ZSCAN20: variants seen among roughly 807,000 people sequenced by gnomAD.
The protein encoded by ZSCAN20 is zinc finger and SCAN domain containing 20, also known as zinc finger and SCAN domain-containing protein 20.
ZSCAN20 carries 39 observed loss-of-function variants against 97.1 expected under a neutral mutation model. The observed-to-expected ratio is 0.40, with a 90% confidence interval of 0.31 to 0.52. The LOEUF (loss-of-function observed/expected upper bound fraction) is 0.52. ZSCAN20 is among the 20% of genes least tolerant of loss of function. ZSCAN20 has a pLI of 0.49. For synonymous variants in ZSCAN20, 456 were observed against 467.3 expected, an observed-to-expected ratio of 0.98 and a Z score of 0.31; for missense variants, 1,115 against 1,290.4, an observed-to-expected ratio of 0.86 and a Z score of 2.08.
intron 2 of ZSCAN20, among the ~76,000 whole-genome samples, chr1:33,483,267 C>A (rs74403352): frequency 1.2e-3 from 12 of 9,744 alleles, no homozygotes; most frequent in Non-Finnish European, 2.5e-3. Context: ...TTTTTTTTTT[C>A]ATGTGGATGT....
rs1261584837 is a variant in ZSCAN20 at position 33,488,654 on chromosome 1, G to A, written c.604+3G>A. On this transcript the variant is annotated splice_donor_region_variant and intron_variant, in intron 3 of 7. Coordinates refer to ENST00000684572, the MANE Select transcript of ZSCAN20 (RefSeq NM_001377376.1). Reference sequence around the variant, plus strand: ...ACCACAGCCTTTGAAAGAGAGTGGTGAGTACATCTGAGAACATTAGGGAAT... The same window carrying A: ...ACCACAGCCTTTGAAAGAGAGTGGTAAGTACATCTGAGAACATTAGGGAAT... 1.2e-6 allele frequency: 2 copies of A among 1,609,106 alleles called. No homozygotes were observed. Among genetic ancestry groups the A allele is most frequent in the African/African-American group, 2.7e-5 (2 of 74,514 alleles).
intron 1 of ZSCAN20, among the ~76,000 whole-genome samples, 185 bp downstream of exon 1, chr1:33,472,876 C>T (rs1651779605): frequency 2.0e-5 from 3 of 149,688 alleles, no homozygotes; most frequent in Admixed American, 2.0e-4. Context: ...ATACAGGGGT[C>T]GGGGATGAGG....
intron 5 of ZSCAN20, among the ~76,000 whole-genome samples, chr1:33,490,677 A>ACACAC (rs1553122650): frequency 4.1e-5 from 6 of 147,358 alleles, no homozygotes; most frequent in Admixed American, 2.7e-4. Flanking sequence ...ACACACACAC[A>ACACAC]CACACACCAC....
rs373645330 is a variant in ZSCAN20 at position 33,489,107 on chromosome 1, T to C, written c.605-8T>C. The C allele has an allele frequency of 1.7e-5, 28 of 1,606,612 alleles. No homozygotes were observed. Among genetic ancestry groups the C allele is most frequent in the Non-Finnish European group, 7.7e-6 (9 of 1,175,234 alleles). ...GCTTGGGTTTCAGTGACTTTTTCTT[T>C]TCCTCAGCTGTCCTCACTCCCCGAG... On this transcript the variant is annotated splice_polypyrimidine_tract_variant and splice_region_variant and intron_variant, in intron 3 of 7. Coordinates refer to ENST00000684572, the MANE Select transcript of ZSCAN20 (RefSeq NM_001377376.1).
At chr1:33,486,306 A>C (rs868673341) in intron 2 of ZSCAN20, among the ~76,000 whole-genome samples, 1 of 152,130 alleles carries the variant, frequency 6.6e-6, no homozygotes, top group African/African-American at 2.4e-5. Flanking sequence ...GTCCACACTG[A>C]CCTTCCAGCA....
chr1:33,489,301 C>A, intron 4 of ZSCAN20, 110 bp downstream of exon 4: 1 of 1,227,650 alleles, frequency 8.1e-7, no homozygotes, highest in Non-Finnish European at 1.2e-6. Flanking sequence ...GGGCATGAGG[C>A]CCAGGGTGTT....
chr1:33,489,019 C>A, intron 3 of ZSCAN20, 96 bp from the exon 4 acceptor site: 1 of 1,033,434 alleles, frequency 9.7e-7, no homozygotes, highest in Non-Finnish European at 1.5e-6. Context: ...ATAGCCCTAG[C>A]TTGATCCAAG....
chr1:33,489,714 T>C, intron 5 of ZSCAN20, 112 bp downstream of exon 5: 14 of 969,486 alleles, frequency 1.4e-5, no homozygotes, highest in Non-Finnish European at 2.1e-5. Context: ...CTCTGGAATT[T>C]CAGAAATAGG....
In ZSCAN20 at chr1:33,477,212, T is replaced by C. The variant is rs113953849; in HGVS notation, c.-110-1967T>C. Among the ~76,000 whole-genome samples the C allele has an allele frequency of 9.8e-3, 1,487 of 152,250 alleles. 26 individuals carry two copies. The highest frequency in any genetic ancestry group is 0.033 in the African/African-American group (1,377 of 41,550). ...TTTGAGCTGGTGGTTGAAGGATGAG[T>C]AGGAAGCTGCCAGGTAGCCATGAGT... On this transcript the variant is annotated intron_variant, in intron 1 of 7. Coordinates refer to ENST00000684572, the MANE Select transcript of ZSCAN20 (RefSeq NM_001377376.1).
chr1:33,485,199 C>A (rs1652311428), intron 2 of ZSCAN20, among the ~76,000 whole-genome samples: 5 of 152,068 alleles, frequency 3.3e-5, no homozygotes, highest in Non-Finnish European at 7.4e-5. Flanking sequence ...TTGGCCTCTT[C>A]AGATTGTTTA....
rs200017773 is a variant in ZSCAN20 at position 33,491,492 on chromosome 1, C to T, written c.1234C>T (p.Arg412Trp). The stretch of plus-strand genomic sequence containing the variant: ...GGAGCTGGAGGCCCTGGTCAGGGCT[C>T]GGACAGCCATCAGAGCCACAGATGG... ...YEELEALVRA[R>W]TAIRATDGPG... The change falls in exon 6 of 8, where the codon CGG (arginine) becomes TGG (tryptophan). Residue 412 changes from arginine (R) to tryptophan (W), a missense_variant. Coordinates refer to ENST00000684572, the MANE Select transcript of ZSCAN20 (RefSeq NM_001377376.1). The surrounding 1 kb of genome is among the most constrained non-coding windows in gnomAD (Gnocchi z 4.3). 62 of 1,613,970 alleles carry T rather than the reference C, an allele frequency of 3.8e-5. No individual in the cohort carries two copies. In the East Asian group the frequency reaches 6.7e-4, roughly 17 times the overall value.
chr1:33,495,304 A>G lies in ZSCAN20; in HGVS notation c.2960A>G (p.Tyr987Cys), dbSNP rs868376364. 9 of 1,612,950 alleles carry G rather than the reference A, an allele frequency of 5.6e-6. No individual in the cohort carries two copies. Among genetic ancestry groups the G allele is most frequent in the South Asian group, 1.1e-5 (1 of 90,934 alleles). ...HQRIHTGEKP[Y>C]KCRECGKCFN... ...AGGATTCATACGGGAGAGAAGCCGT[A>G]TAAGTGCAGAGAGTGTGGGAAATGC... Residue 987 changes from tyrosine (Y) to cysteine (C), a missense_variant, in exon 8 of 8, where the codon TAT becomes TGT. Coordinates refer to ENST00000684572, the MANE Select transcript of ZSCAN20 (RefSeq NM_001377376.1).
Position 33,489,544 on chromosome 1 carries a change from T to C in ZSCAN20, c.708T>C (p.Ala236=). The C allele has an allele frequency of 6.2e-7, 1 of 1,614,056 alleles. No individual in the cohort carries two copies. Among genetic ancestry groups the C allele is most frequent in the South Asian group, 1.1e-5 (1 of 91,078 alleles). Residue 236 remains alanine (A), a synonymous_variant, in exon 5 of 8, where the codon GCT becomes GCC. Transcript: ENST00000684572. ...AAGCCCTGGGCCCTGGCAAACATGC[T>C]GAGAAGGAGCTCTGTAAAGACCCCC... ...SQEALGPGKH[A]EKELCKDPPG...
chr1:33,500,789 G>A lies in ZSCAN20; in HGVS notation c.*5313G>A, dbSNP rs1653042380. Among the ~76,000 whole-genome samples the A allele has an allele frequency of 6.6e-6, 1 of 151,830 alleles. No homozygotes were observed. Among genetic ancestry groups the A allele is most frequent in the Non-Finnish European group, 1.5e-5 (1 of 67,992 alleles). Reference sequence around the variant, plus strand: ...AATCAGTCTCTAAGCTGGTCCTGGAGCAGCATGACAGATGTATCTGAGCCC... The same window carrying A: ...AATCAGTCTCTAAGCTGGTCCTGGAACAGCATGACAGATGTATCTGAGCCC... On this transcript the variant is annotated 3_prime_UTR_variant, in exon 8 of 8. Transcript: ENST00000684572.
chr1:33,497,486 G>A lies in ZSCAN20; in HGVS notation c.*2010G>A, dbSNP rs554682046. On this transcript the variant is annotated 3_prime_UTR_variant, in exon 8 of 8. Transcript: ENST00000684572. ...TTCAGGGTGGGGTTGTATGATGGGA[G>A]GTTGGGAACAGGGAGCTGATATTAG... Among the ~76,000 whole-genome samples, 2 of 152,318 alleles carry A rather than the reference G, an allele frequency of 1.3e-5. No homozygotes were observed. Among genetic ancestry groups the A allele is most frequent in the African/African-American group, 2.4e-5 (1 of 41,590 alleles).
intron 5 of ZSCAN20, among the ~76,000 whole-genome samples, chr1:33,490,296 T>G (rs1482861907): frequency 1.3e-5 from 2 of 152,204 alleles, no homozygotes; most frequent in Non-Finnish European, 2.9e-5. Context: ...TGAATTAAAT[T>G]ATCCTTATAC....
At position 33,493,641 on chromosome 1, in the gene ZSCAN20, T is replaced by C. The variant is rs867353813; in HGVS notation, c.1873+26T>C. 1.1e-5 allele frequency: 16 copies of C among 1,521,714 alleles called. No homozygotes were observed. In the Middle Eastern group the frequency reaches 2.5e-3, roughly 237 times the overall value. The allele number at this position is 1,521,714 out of a possible 1,614,324, so 94.3% of individuals were successfully genotyped here. On this transcript the variant is annotated intron_variant, in intron 7 of 7. Transcript: ENST00000684572. This position sits in a 1 kb window ranked among gnomAD's most constrained non-coding sequence, Gnocchi z 4.3. ...GTAAGCCTGGAGTAATTGGATGTTCTCAAAATCTGTGGGCATGTGGAGAGA... is the reference window on the plus strand; with the variant it reads ...GTAAGCCTGGAGTAATTGGATGTTCCCAAAATCTGTGGGCATGTGGAGAGA...
Position 33,497,723 on chromosome 1 carries a change from GGAAT to G in ZSCAN20, c.*2253_*2256del, listed in dbSNP as rs989143127. Among the ~76,000 whole-genome samples, 3 of 152,100 alleles carry G rather than the reference GGAAT, an allele frequency of 2.0e-5. No homozygotes were observed. Among genetic ancestry groups the G allele is most frequent in the Admixed American group, 2.0e-4 (3 of 15,266 alleles). On this transcript the variant is annotated 3_prime_UTR_variant, in exon 8 of 8. Coordinates refer to ENST00000684572, the MANE Select transcript of ZSCAN20 (RefSeq NM_001377376.1). ...GAGCAGTGGTGACACTGAGGAGGAG[GGAAT>G]GAATGGGAAAGGTCTCAGAGGCAGA...
In ZSCAN20 at chr1:33,497,546, A is replaced by T. The variant is rs1652918358; in HGVS notation, c.*2070A>T. On this transcript the variant is annotated 3_prime_UTR_variant, in exon 8 of 8. Transcript: ENST00000684572. ...GGAGCAAGGTCACTGAGGACCTCAC[A>T]TGTGAATGGAGTGTCAACACCAGGC... 1.3e-5 allele frequency among the ~76,000 whole-genome samples: 2 copies of T among 152,180 alleles called. No homozygotes were observed. Among genetic ancestry groups the T allele is most frequent in the African/African-American group, 4.8e-5 (2 of 41,448 alleles).
Sources: gnomAD v4.1 joint callset for allele counts (sites outside exome capture counted in the v4.1 genomes callset) on GRCh38, gnomAD v4.1.1 for gene constraint, Gnocchi (gnomAD v3.1) non-coding constraint, MANE v1.5 for transcripts, NCBI Gene and HGNC (gene_info 2026-07-23, HGNC 2026-07-21) for gene names.